The following SMAD1 variants were observed in gnomAD, a reference collection of about 807,000 sequenced individuals.
The protein encoded by SMAD1 is SMAD family member 1.
A neutral mutation model predicts 41.6 loss-of-function variants in SMAD1; 6 were observed. The ratio of observed to expected loss-of-function variants is 0.14; its 90% confidence interval spans 0.08 to 0.28. The LOEUF is 0.28. Ranked by LOEUF, SMAD1 falls within the 10% of genes least tolerant of loss-of-function variation. The pLI, the probability that SMAD1 is intolerant of heterozygous loss-of-function variation, is 1.00. For synonymous variants in SMAD1, 206 were observed against 203.2 expected, an observed-to-expected ratio of 1.01 and a Z score of -0.12; for missense variants, 379 against 582.6, an observed-to-expected ratio of 0.65 and a Z score of 3.60.
At chr4:145,541,289 T>G (rs1731917120) in intron 3 of SMAD1, among the ~76,000 whole-genome samples, 1 of 152,210 alleles carries the variant, frequency 6.6e-6, no homozygotes, top group Non-Finnish European at 1.5e-5. Flanking sequence ...AATGGAAATA[T>G]GGAAAACAGT....
Position 145,514,951 on chromosome 4 carries a change from T to G in SMAD1, c.338T>G (p.Phe113Cys). The change falls in exon 2 of 7, where the codon TTT becomes TGT. Residue 113 changes from phenylalanine (F) to cysteine (C), a missense_variant. Physicochemically the swap from Phe to Cys is radical, Grantham distance 205 (BLOSUM62 -2). This residue lies in a region of SMAD1 where 64 missense variants were observed against 153.9 expected (regional missense o/e 0.42). Coordinates refer to ENST00000302085, the MANE Select transcript of SMAD1 (RefSeq NM_005900.3). The surrounding 1 kb of genome is among the most constrained non-coding windows in gnomAD (Gnocchi z 4.7). ...CCACTGGAATGCTGTGAGTTTCCTT[T>G]TGGTTCCAAGCAGAAGGAGGTCTGC... ...LKPLECCEFP[F>C]GSKQKEVCIN... 6.2e-7 allele frequency: 1 copy of G among 1,613,938 alleles called. No homozygotes were observed. Among genetic ancestry groups the G allele is most frequent in the Non-Finnish European group, 8.5e-7 (1 of 1,179,960 alleles).
intron 4 of SMAD1, 77 bp downstream of exon 4, chr4:145,542,775 A>G (rs2126521767): frequency 5.3e-6 from 5 of 950,006 alleles, no homozygotes; most frequent in Non-Finnish European, 4.9e-6. Flanking sequence ...ACAAATTTTT[A>G]TTAGTCTTTA....
chr4:145,488,155 A>G (rs1254539123), intron 1 of SMAD1, among the ~76,000 whole-genome samples: 1 of 151,990 alleles, frequency 6.6e-6, no homozygotes, highest in Non-Finnish European at 1.5e-5. Flanking sequence ...GGTTTGCAGT[A>G]TAGATTGGTT....
At chr4:145,496,845 G>T (rs1441163878) in intron 1 of SMAD1, among the ~76,000 whole-genome samples, 1 of 152,190 alleles carries the variant, frequency 6.6e-6, no homozygotes, top group Non-Finnish European at 1.5e-5. Flanking sequence ...GAAGTTGGTG[G>T]TGATAGTGAT....
At chr4:145,502,456 A>G (rs1420888087) in intron 1 of SMAD1, among the ~76,000 whole-genome samples, 1 of 152,244 alleles carries the variant, frequency 6.6e-6, no homozygotes, top group East Asian at 1.9e-4. Context: ...TAACTATTCA[A>G]GTAATCATCT....
At chr4:145,513,021 C>T (rs1730171962) in intron 1 of SMAD1, among the ~76,000 whole-genome samples, 1 of 152,164 alleles carries the variant, frequency 6.6e-6, no homozygotes. Flanking sequence ...CAGGGTTTCT[C>T]CTCAGCAGGC....
At chr4:145,520,708 T>TA (rs1730693523) in intron 2 of SMAD1, among the ~76,000 whole-genome samples, 1 of 152,226 alleles carries the variant, frequency 6.6e-6, no homozygotes, top group Non-Finnish European at 1.5e-5. Context: ...GGGAGAAGTC[T>TA]ATGCTTTTGT....
chr4:145,534,219 G>A (rs1578803436), intron 2 of SMAD1, among the ~76,000 whole-genome samples: 1 of 152,172 alleles, frequency 6.6e-6, no homozygotes, highest in African/African-American at 2.4e-5. Flanking sequence ...TGTTGTTTAA[G>A]CCGCCAGTCT....
chr4:145,524,175 ATT>A (rs1730907690), intron 2 of SMAD1, among the ~76,000 whole-genome samples: 4 of 152,320 alleles, frequency 2.6e-5, no homozygotes, highest in African/African-American at 9.6e-5. Context: ...TATCATTGGC[ATT>A]GGCTTATGGT....
chr4:145,539,758 A>C (rs776049532), intron 2 of SMAD1, 46 bp from the exon 3 acceptor site: 27 of 1,587,690 alleles, frequency 1.7e-5, no homozygotes, highest in Non-Finnish European at 2.3e-5. Flanking sequence ...ATTATAGATC[A>C]TAATTCTCAT....
chr4:145,490,737 G>T (rs1728729099), intron 1 of SMAD1, among the ~76,000 whole-genome samples: 1 of 152,162 alleles, frequency 6.6e-6, no homozygotes, highest in Non-Finnish European at 1.5e-5. Flanking sequence ...GGAATTTGTA[G>T]ATAGAGCATT....
intron 1 of SMAD1, among the ~76,000 whole-genome samples, chr4:145,495,400 T>C (rs1463115670): frequency 6.6e-6 from 1 of 152,176 alleles, no homozygotes; most frequent in Admixed American, 6.5e-5. Flanking sequence ...GCATTGTGAC[T>C]TACAACTGTG....
At chr4:145,510,706 T>G (rs148225571) in intron 1 of SMAD1, among the ~76,000 whole-genome samples, 419 of 152,338 alleles carry the variant, frequency 2.8e-3, no homozygotes, top group African/African-American at 9.8e-3. Context: ...TGTTGAGTGC[T>G]GTGATAATAT....
intron 6 of SMAD1, 59 bp from the exon 7 acceptor site, chr4:145,557,732 T>C: frequency 7.4e-7 from 1 of 1,349,888 alleles, no homozygotes. Flanking sequence ...CTCTTCTTAC[T>C]TAATAAGTTT....
chr4:145,488,813 A>G (rs1728626546), intron 1 of SMAD1, among the ~76,000 whole-genome samples: 1 of 152,236 alleles, frequency 6.6e-6, no homozygotes, highest in Admixed American at 6.5e-5. Flanking sequence ...TCTGAGGCTT[A>G]ATAATTAGAG....
intron 2 of SMAD1, among the ~76,000 whole-genome samples, chr4:145,538,783 G>A (rs1292921969): frequency 6.6e-6 from 1 of 152,162 alleles, no homozygotes; most frequent in East Asian, 1.9e-4. Context: ...CACAGGAGCT[G>A]GAGGGATTGC....
At chr4:145,524,269 T>A (rs1730912480) in intron 2 of SMAD1, among the ~76,000 whole-genome samples, 1 of 152,190 alleles carries the variant, frequency 6.6e-6, no homozygotes, top group African/African-American at 2.4e-5. Context: ...TACCCAGATC[T>A]TTTAGTGGAT....
intron 2 of SMAD1, among the ~76,000 whole-genome samples, chr4:145,536,469 A>G (rs1317973673): frequency 3.3e-5 from 5 of 152,322 alleles, no homozygotes; most frequent in South Asian, 4.2e-4. Context: ...CAGGCACCCA[A>G]TGGCCAAATC....
intron 5 of SMAD1, 38 bp downstream of exon 5, chr4:145,546,962 G>A: frequency 6.7e-7 from 1 of 1,484,522 alleles, no homozygotes; most frequent in Non-Finnish European, 9.4e-7. Context: ...ATGTTTATCT[G>A]TTGTGTCCCT....
Sources: allele counts gnomAD v4.1 joint callset (sites outside exome capture counted in the v4.1 genomes callset), GRCh38; gene constraint gnomAD v4.1.1; regional missense constraint gnomAD v4.1.1; non-coding constraint Gnocchi (gnomAD v3.1); transcripts MANE v1.5; gene names NCBI Gene and HGNC (gene_info 2026-07-23, HGNC 2026-07-21).